The following RXRA variants were observed in gnomAD, a reference collection of about 807,000 sequenced individuals.
RXRA encodes retinoic acid receptor RXR-alpha.
Under a neutral mutation model 44.5 loss-of-function variants are expected in RXRA, and 5 were observed. The ratio of observed to expected loss-of-function variants is 0.11; its 90% CI spans 0.06 to 0.24. The LOEUF is 0.24. Ranked by LOEUF, RXRA falls within the 10% of genes least tolerant of loss-of-function variation. RXRA has a pLI of 1.00. For missense variants in RXRA, 412 were observed against 646.5 expected (o/e 0.64, Z 3.93); for synonymous variants, 291 against 271.4 (o/e 1.07, Z -0.71).
chr9:134,376,257 T>TCG (rs1456448040), intron 1 of RXRA, among the ~76,000 whole-genome samples: 1 of 152,050 alleles, frequency 6.6e-6, no homozygotes. Context: ...CTGTCGCACC[T>TCG]CGCAGTGCCC....
At chr9:134,374,959 A>G (rs1019684048) in intron 1 of RXRA, among the ~76,000 whole-genome samples, 1 of 152,126 alleles carries the variant, frequency 6.6e-6, no homozygotes, top group Non-Finnish European at 1.5e-5. Flanking sequence ...GGGTGTCACA[A>G]TGGAGTGGCC....
chr9:134,337,306 G>A (rs1354699987), intron 1 of RXRA, among the ~76,000 whole-genome samples: 2 of 152,152 alleles, frequency 1.3e-5, no homozygotes, highest in East Asian at 1.9e-4. Flanking sequence ...CTGTCTGTCC[G>A]TCCGCTCATC....
intron 4 of RXRA, among the ~76,000 whole-genome samples, chr9:134,412,077 TCTC>T (rs1831158417): frequency 6.6e-6 from 1 of 152,132 alleles, no homozygotes; most frequent in Non-Finnish European, 1.5e-5. Flanking sequence ...CACTCCCCTC[TCTC>T]CTCTTGGGCA....
intron 1 of RXRA, among the ~76,000 whole-genome samples, chr9:134,364,688 C>G (rs1305949409): frequency 6.6e-6 from 1 of 152,188 alleles, no homozygotes; most frequent in Admixed American, 6.5e-5. Context: ...CCCCACACCC[C>G]CTAAGCTGGG....
intron 5 of RXRA, among the ~76,000 whole-genome samples, chr9:134,419,554 G>A (rs4240705): frequency 0.62 from 93,544 of 152,032 alleles, 28,930 homozygotes; most frequent in East Asian, 0.71. Flanking sequence ...GGCAAACTGA[G>A]GTCCAGAGAG....
intron 2 of RXRA, chr9:134,402,402 C>T: frequency 6.5e-6 from 1 of 154,494 alleles, no homozygotes; most frequent in South Asian, 2.0e-4. Flanking sequence ...GCTCTGTGGT[C>T]TCGGCTCCCC....
chr9:134,360,316 G>A lies in RXRA; in HGVS notation c.28+33657G>A, dbSNP rs372251774. Reference sequence around the variant, plus strand: ...CCTGTCGGGCGGCAGGGCAGAGCGAGCAGGAAGCGCTGGTTCCTTCTCCAT... The same window carrying A: ...CCTGTCGGGCGGCAGGGCAGAGCGAACAGGAAGCGCTGGTTCCTTCTCCAT... On this transcript the variant is annotated intron_variant, in intron 1 of 9. Coordinates refer to ENST00000481739, the MANE Select transcript of RXRA (RefSeq NM_002957.6). Among the ~76,000 whole-genome samples, 97 of 152,332 alleles carry A rather than the reference G, an allele frequency of 6.4e-4. 1 individual carries two copies. Among genetic ancestry groups the A allele is most frequent in the African/African-American group, 2.0e-3 (82 of 41,572 alleles).
At chr9:134,429,521 G>A (rs1290358939) in intron 7 of RXRA, among the ~76,000 whole-genome samples, 6 of 152,198 alleles carry the variant, frequency 3.9e-5, no homozygotes, top group Non-Finnish European at 7.3e-5. Flanking sequence ...GGAAAGCTTC[G>A]TTTCTTTTTA....
intron 9 of RXRA, among the ~76,000 whole-genome samples, chr9:134,435,473 C>G (rs924629581): frequency 2.0e-5 from 3 of 151,888 alleles, no homozygotes; most frequent in Non-Finnish European, 4.4e-5. Context: ...CTCCCTCCCT[C>G]CCCGGCCAGC....
chr9:134,423,273 C>T, intron 6 of RXRA: 1 of 985,468 alleles, frequency 1.0e-6, no homozygotes. Flanking sequence ...GTGCTGGTCA[C>T]TGTCCCATGT....
At chr9:134,405,935 C>T (rs997946699) in intron 2 of RXRA, 9 of 152,496 alleles carry the variant, frequency 5.9e-5, no homozygotes, top group African/African-American at 1.4e-4. Flanking sequence ...GCTTGGGGGC[C>T]CCTGTGCCTG....
intron 1 of RXRA, among the ~76,000 whole-genome samples, chr9:134,370,911 G>A (rs1830483727): frequency 6.6e-6 from 1 of 152,230 alleles, no homozygotes; most frequent in Non-Finnish European, 1.5e-5. Context: ...CATCGCGGAA[G>A]GTGGGTGGTC....
intron 4 of RXRA, among the ~76,000 whole-genome samples, chr9:134,415,116 G>A (rs1831212834): frequency 6.6e-6 from 1 of 152,252 alleles, no homozygotes; most frequent in African/African-American, 2.4e-5. Flanking sequence ...CCTGGTTGGT[G>A]TATCCTGAAG....
chr9:134,335,855 G>C (rs1829993577), intron 1 of RXRA, among the ~76,000 whole-genome samples: 1 of 152,148 alleles, frequency 6.6e-6, no homozygotes, highest in African/African-American at 2.4e-5. Flanking sequence ...CCCTTGGTCT[G>C]TCCCTGTAGT....
intron 1 of RXRA, among the ~76,000 whole-genome samples, chr9:134,352,322 G>A (rs7856788): frequency 0.033 from 5,028 of 152,186 alleles, 260 homozygotes; most frequent in African/African-American, 0.11. Flanking sequence ...CCCCTCAGGT[G>A]TCTGAAGGGT....
chr9:134,327,567 C>G (rs1554746194), intron 1 of RXRA, among the ~76,000 whole-genome samples: 2 of 152,116 alleles, frequency 1.3e-5, no homozygotes, highest in African/African-American at 2.4e-5. Context: ...GCTGTCAGGC[C>G]GGGTGAAGGA....
intron 4 of RXRA, among the ~76,000 whole-genome samples, chr9:134,416,533 G>A (rs551158164): frequency 6.6e-6 from 1 of 152,332 alleles, no homozygotes; most frequent in African/African-American, 2.4e-5. Context: ...TGGCCAGGGT[G>A]GGGCCGGGCG....
chr9:134,398,341 C>T (rs562179981), intron 1 of RXRA, among the ~76,000 whole-genome samples: 144 of 143,482 alleles, frequency 1.0e-3, no homozygotes, highest in African/African-American at 3.1e-3. Flanking sequence ...GGGGTGGGGA[C>T]GGATAAATGA....
intron 7 of RXRA, among the ~76,000 whole-genome samples, chr9:134,431,230 A>G (rs1831527032): frequency 6.6e-6 from 1 of 152,208 alleles, no homozygotes; most frequent in Non-Finnish European, 1.5e-5. Flanking sequence ...GGGGCCCAGT[A>G]CACTGCAGAG....
Sources: gnomAD v4.1 joint callset for allele counts (sites outside exome capture counted in the v4.1 genomes callset) on GRCh38, gnomAD v4.1.1 for gene constraint, MANE v1.5 for transcripts, NCBI Gene and HGNC (gene_info 2026-07-23, HGNC 2026-07-21) for gene names.